Variants in VIRMA observed in about 807,000 individuals in gnomAD.
VIRMA encodes protein virilizer homolog.
In VIRMA, 65 loss-of-function variants were observed where a neutral mutation model predicts 182.4. That is an observed-to-expected ratio of 0.36 (90% CI 0.29 to 0.44). The LOEUF (loss-of-function observed/expected upper bound fraction) is 0.44, where lower values mean the gene tolerates loss of function less well. VIRMA is among the 20% of genes least tolerant of loss of function. The pLI is 1.00. For synonymous variants in VIRMA, 709 were observed against 743.1 expected (o/e 0.95, Z 0.75); for missense variants, 1,752 against 2,158.1 (o/e 0.81, Z 3.73).
chr8:94,491,809 CAT>C lies in VIRMA; in HGVS notation c.4907_4908del (p.His1636ArgfsTer12). On this transcript the variant is annotated frameshift_variant, in exon 22 of 24. Coordinates refer to ENST00000297591, the MANE Select transcript of VIRMA (RefSeq NM_015496.5). LOFTEE classifies it high-confidence loss of function. Reference sequence around the variant, plus strand: ...TTCTGTTTTCTCTGACGAAAAATATCATGAGGTCGTATACCCTGTCCAAATCC... The same window carrying C: ...TTCTGTTTTCTCTGACGAAAAATATCGAGGTCGTATACCCTGTCCAAATCC... ...RGGFGQGIRPHDIFRQRKQNT... is the reference protein window; with the variant it reads ...RGGFGQGIRPXDIFRQRKQNT... 1 of 1,613,874 alleles carries C rather than the reference CAT, an allele frequency of 6.2e-7. No homozygotes were observed. The highest frequency in any genetic ancestry group is 8.5e-7 in the Non-Finnish European group (1 of 1,179,986).
chr8:94,525,696 A>G (rs369078289), intron 8 of VIRMA, among the ~76,000 whole-genome samples: 43 of 152,366 alleles, frequency 2.8e-4, no homozygotes, highest in African/African-American at 9.6e-4. Context: ...AAAATAAAAA[A>G]TCTACTAGGG....
intron 16 of VIRMA, among the ~76,000 whole-genome samples, chr8:94,505,953 T>C (rs954246672): frequency 4.9e-4 from 74 of 152,164 alleles, no homozygotes; most frequent in South Asian, 2.1e-4. Flanking sequence ...AAATACAAAT[T>C]TTAAGATACA....
At chr8:94,544,969 T>C (rs1045191018) in intron 1 of VIRMA, among the ~76,000 whole-genome samples, 2 of 151,768 alleles carry the variant, frequency 1.3e-5, no homozygotes, top group African/African-American at 4.8e-5. Flanking sequence ...GTTTATTATA[T>C]AGAAAAAAAA....
At chr8:94,553,259 G>T in intron 1 of VIRMA, 126 bp downstream of exon 1, 1 of 912,506 alleles carries the variant, frequency 1.1e-6, no homozygotes, top group Non-Finnish European at 1.8e-6. Flanking sequence ...TCGGGGGAGG[G>T]TGTCTGTGTG....
chr8:94,540,889 AT>A (rs1352745258), intron 2 of VIRMA, among the ~76,000 whole-genome samples: 1 of 152,164 alleles, frequency 6.6e-6, no homozygotes, highest in African/African-American at 2.4e-5. Context: ...CTGAAAAACG[AT>A]TTAAAGAATC....
chr8:94,517,701 G>T, intron 10 of VIRMA, 87 bp downstream of exon 10: 1 of 914,804 alleles, frequency 1.1e-6, no homozygotes, highest in Non-Finnish European at 1.6e-6. Context: ...GTATATTATC[G>T]AAACATGATG....
rs761012106 is a variant in VIRMA at position 94,492,818 on chromosome 8, C to G, written c.4642G>C (p.Val1548Leu). 3.1e-6 allele frequency: 5 copies of G among 1,607,716 alleles called. No homozygotes were observed. Among genetic ancestry groups the G allele is most frequent in the Non-Finnish European group, 3.4e-6 (4 of 1,175,864 alleles). Residue 1548 changes from valine to leucine, a missense_variant and splice_region_variant, in exon 21 of 24, where the codon GTA (valine) becomes CTA (leucine). Coordinates refer to ENST00000297591, the MANE Select transcript of VIRMA (RefSeq NM_015496.5). ...AEEIDTDLDL[V>L]KVDLIELSEK... ...GAGAGTTCAATTAAGTCAACCTTTACCTGCAGTCATAATAATGAAACAAAA... is the reference window on the plus strand; with the variant it reads ...GAGAGTTCAATTAAGTCAACCTTTAGCTGCAGTCATAATAATGAAACAAAA...
rs934970818 is a variant in VIRMA, at chr8:94,543,680, G to C, written c.179+147C>G. 1.1e-5 allele frequency: 6 copies of C among 527,592 alleles called. No individual in the cohort carries two copies. The African/African-American group carries it at 1.2e-4, about 10-fold the overall frequency. 32.7% of individuals were successfully genotyped at this position (527,592 alleles called of 1,614,324 possible). ...ATATATGCATTATACAGAAAATATA[G>C]AGCCAATTACAATGCAGCATAACCA... On this transcript the variant is annotated intron_variant, in intron 2 of 23. Coordinates refer to ENST00000297591, the MANE Select transcript of VIRMA (RefSeq NM_015496.5).
In VIRMA at chr8:94,553,421, C is replaced by T; in HGVS notation, c.27G>A (p.Leu9=). 8 of 1,614,222 alleles carry T rather than the reference C, an allele frequency of 5.0e-6. No homozygotes were observed. The highest frequency in any genetic ancestry group is 6.8e-6 in the Non-Finnish European group (8 of 1,180,038). Residue 9 remains leucine, a synonymous_variant, in exon 1 of 24, where the codon CTG becomes CTA. Coordinates refer to ENST00000297591, the MANE Select transcript of VIRMA (RefSeq NM_015496.5). ...GGTGTTTAAAAGTATCTAAAAATAACAGCTCCATCGCCGAGTCCACCGCCA... is the reference window on the plus strand; with the variant it reads ...GGTGTTTAAAAGTATCTAAAAATAATAGCTCCATCGCCGAGTCCACCGCCA... MAVDSAME[L]LFLDTFKHPS... is the part of the protein sequence containing the mutation.
chr8:94,548,646 AT>A (rs1241239462), intron 1 of VIRMA, among the ~76,000 whole-genome samples: 2 of 145,122 alleles, frequency 1.4e-5, no homozygotes, highest in East Asian at 1.9e-4. Context: ...GCTTTTTTAT[AT>A]TTTTTTATTA....
chr8:94,547,510 C>A (rs1197715964), intron 1 of VIRMA, among the ~76,000 whole-genome samples: 1 of 150,950 alleles, frequency 6.6e-6, no homozygotes, highest in Non-Finnish European at 1.5e-5. Context: ...ATCACATCTA[C>A]TGCTACCACT....
At chr8:94,528,764 C>T (rs1815056725) in intron 7 of VIRMA, among the ~76,000 whole-genome samples, 1 of 152,118 alleles carries the variant, frequency 6.6e-6, no homozygotes, top group African/African-American at 2.4e-5. Flanking sequence ...GTTACATGAC[C>T]CTGTTTTCCT....
At chr8:94,508,469 C>T (rs1258303607) in intron 15 of VIRMA, among the ~76,000 whole-genome samples, 1 of 152,124 alleles carries the variant, frequency 6.6e-6, no homozygotes, top group Non-Finnish European at 1.5e-5. Context: ...TCGTATTCAA[C>T]TTGGCTTAAA....
At chr8:94,502,125 T>C (rs1814008280) in intron 16 of VIRMA, among the ~76,000 whole-genome samples, 1 of 152,250 alleles carries the variant, frequency 6.6e-6, no homozygotes, top group South Asian at 2.1e-4. Flanking sequence ...GTTAGGTGCA[T>C]ATATGTTTAG....
At chr8:94,534,793 C>T in intron 5 of VIRMA, 46 bp downstream of exon 5, 1 of 1,542,442 alleles carries the variant, frequency 6.5e-7, no homozygotes, top group South Asian at 1.2e-5. Context: ...TTTTTTTAAA[C>T]CACGGATATA....
intron 16 of VIRMA, 97 bp downstream of exon 16, chr8:94,506,403 A>G: frequency 1.3e-6 from 1 of 756,478 alleles, no homozygotes; most frequent in Non-Finnish European, 2.1e-6. Context: ...CATTTCTTCA[A>G]CTTTCTACAA....
At chr8:94,546,620 G>T (rs779381672) in intron 1 of VIRMA, among the ~76,000 whole-genome samples, 1 of 150,844 alleles carries the variant, frequency 6.6e-6, no homozygotes, top group African/African-American at 2.5e-5. Context: ...ACATGGATAA[G>T]TTCTTTAACG....
Position 94,530,339 on chromosome 8 carries a change from T to C in VIRMA, c.607+624A>G, listed in dbSNP as rs377181605. On this transcript the variant is annotated intron_variant, in intron 6 of 23. Transcript: ENST00000297591. The stretch of plus-strand genomic sequence containing the variant: ...TGAGCAACATAGGAAACTTCTTCTC[T>C]ATAAAAAATTAGCCAGGCGTGGTGG... Among the ~76,000 whole-genome samples the C allele has an allele frequency of 5.1e-4, 78 of 151,810 alleles. No homozygotes were observed. The South Asian group carries it at 8.1e-3, about 16-fold the overall frequency.
rs566072300 is a variant in VIRMA, at chr8:94,540,130, G to A, written c.180-1784C>T. Among the ~76,000 whole-genome samples the A allele has an allele frequency of 5.3e-5, 8 of 152,082 alleles. No individual in the cohort carries two copies. In the South Asian group the frequency reaches 6.2e-4, roughly 12 times the overall value. ...TGTTTTTACAGAAACCTTGATATGC[G>A]AACAGATTTTTTTCAAGAGGATATT... On this transcript the variant is annotated intron_variant, in intron 2 of 23. Coordinates refer to ENST00000297591, the MANE Select transcript of VIRMA (RefSeq NM_015496.5).
Sources: gnomAD v4.1 joint callset for allele counts (sites outside exome capture counted in the v4.1 genomes callset) on GRCh38, gnomAD v4.1.1 for gene constraint, MANE v1.5 for transcripts, NCBI Gene and HGNC (gene_info 2026-07-23, HGNC 2026-07-21) for gene names.